Variants in DDHD2 observed in about 807,000 individuals in gnomAD.
DDHD2 encodes the protein DDHD domain containing 2.
DDHD2 carries 62 observed loss-of-function variants against 91.2 expected under a neutral mutation model. The observed-to-expected ratio is 0.68, with a 90% confidence interval of 0.55 to 0.84. The LOEUF (loss-of-function observed/expected upper bound fraction) is 0.84, where lower values mean the gene tolerates loss of function less well. DDHD2 is among the 40% of genes least tolerant of loss of function. The probability of loss-of-function intolerance (pLI) is 0.00; values close to 1 mark genes in which losing one functional copy is unlikely to be tolerated. For synonymous variants in DDHD2, 271 were observed against 293.9 expected, an observed-to-expected ratio of 0.92 and a Z score of 0.80; for missense variants, 740 against 846.9, an observed-to-expected ratio of 0.87 and a Z score of 1.57.
chr8:38,246,076 T>G, intron 8 of DDHD2, 126 bp downstream of exon 8: 1 of 1,089,810 alleles, frequency 9.2e-7, no homozygotes, highest in Non-Finnish European at 1.4e-6. Flanking sequence ...GTCAGGAAAT[T>G]TGGAAGGGGT....
chr8:38,258,255 C>CT (rs111961835), intron 16 of DDHD2, among the ~76,000 whole-genome samples: 2,325 of 142,310 alleles, frequency 0.016, 52 homozygotes, highest in African/African-American at 0.052. Context: ...TAATTAAATT[C>CT]TTTTTTTTTT....
At chr8:38,265,235 CA>C (rs1807405588), downstream of DDHD2, among the ~76,000 whole-genome samples, 1 of 139,164 alleles carries the variant, frequency 7.2e-6, no homozygotes, top group African/African-American at 2.7e-5. Flanking sequence ...CACTGCACTC[CA>C]GCCTGGGCGC....
intron 1 of DDHD2, among the ~76,000 whole-genome samples, chr8:38,269,461 G>C (rs1808348354): frequency 6.6e-6 from 1 of 152,114 alleles, no homozygotes; most frequent in Non-Finnish European, 1.5e-5. Flanking sequence ...TCAGCAGCTC[G>C]TCTCCACGGC....
At chr8:38,249,867 C>A in intron 11 of DDHD2, 64 bp downstream of exon 11, 4 of 1,149,062 alleles carry the variant, frequency 3.5e-6, no homozygotes, top group Non-Finnish European at 5.0e-6. Context: ...TGTCCTTGTG[C>A]TTTGTGGGAT....
intron 3 of DDHD2, among the ~76,000 whole-genome samples, chr8:38,235,114 C>T (rs1486695226): frequency 6.6e-6 from 1 of 152,120 alleles, no homozygotes; most frequent in Non-Finnish European, 1.5e-5. Flanking sequence ...ACTGTTCATT[C>T]ATGTGTTTCA....
At chr8:38,263,402 C>G (rs1293849542), downstream of DDHD2, 1 of 985,244 alleles carries the variant, frequency 1.0e-6, no homozygotes, top group Non-Finnish European at 1.2e-6. Flanking sequence ...TGCATTTGAG[C>G]AGATCTTCAG....
chr8:38,260,246 T>TG, intron 17 of DDHD2, 99 bp downstream of exon 17: 1 of 614,790 alleles, frequency 1.6e-6, no homozygotes, highest in Admixed American at 2.8e-5. Context: ...TACTAGCTGT[T>TG]GCCTGTCACC....
Position 38,260,023 on chromosome 8 carries a change from A to AT in DDHD2, c.2055-11dup. The stretch of plus-strand genomic sequence containing the variant: ...AGTGTTAGTTCCTTTTCTCAACATA[A>AT]TTTTTTCTCTTTATAGGGAGTCTGA... On this transcript the variant is annotated splice_polypyrimidine_tract_variant and intron_variant, in intron 16 of 17. Transcript: ENST00000397166. 6.4e-7 allele frequency: 1 copy of AT among 1,561,476 alleles called. No homozygotes were observed. Among genetic ancestry groups the AT allele is most frequent in the Non-Finnish European group, 8.8e-7 (1 of 1,133,510 alleles).
At position 38,252,963 on chromosome 8, in the gene DDHD2, G is replaced by C. The variant is rs759820228; in HGVS notation, c.1727G>C (p.Arg576Thr). 1.9e-6 allele frequency: 3 copies of C among 1,613,788 alleles called. No individual in the cohort carries two copies. Among genetic ancestry groups the C allele is most frequent in the Admixed American group, 3.3e-5 (2 of 59,946 alleles). Residue 576 changes from arginine (R) to threonine (T), a missense_variant, in exon 15 of 18, where the codon AGA (arginine) becomes ACA (threonine). By Grantham distance (71) the Arg-to-Thr change is moderately conservative. Transcript: ENST00000397166. ...CTTTATTTATATGTTTCAGAACTGA[G>C]AGAGGGCTTGACCAGGATGAGTATG... ...KGRKRMHLEL[R>T]EGLTRMSMDL...
chr8:38,266,749 G>A (rs1300745204), downstream of DDHD2, among the ~76,000 whole-genome samples: 1 of 152,146 alleles, frequency 6.6e-6, no homozygotes, highest in Non-Finnish European at 1.5e-5. Flanking sequence ...GTAAGTCATT[G>A]TGAAGGAAAG....
chr8:38,243,865 C>T (rs1487978654), intron 7 of DDHD2, among the ~76,000 whole-genome samples: 4 of 148,948 alleles, frequency 2.7e-5, no homozygotes, highest in Non-Finnish European at 4.4e-5. Flanking sequence ...AGTGCAGTGG[C>T]GTGATCTCAG....
At chr8:38,258,418 A>G (rs909990353) in intron 16 of DDHD2, among the ~76,000 whole-genome samples, 3 of 151,532 alleles carry the variant, frequency 2.0e-5, no homozygotes, top group East Asian at 1.9e-4. Context: ...ATGCCCAGCT[A>G]ATTTTTGTAT....
chr8:38,252,641 C>CAAAAA, intron 13 of DDHD2, 81 bp from the exon 14 acceptor site: 1 of 724,054 alleles, frequency 1.4e-6, no homozygotes, highest in Non-Finnish European at 2.0e-6. Flanking sequence ...GACCTCATCT[C>CAAAAA]AAAAAAAAAA....
At chr8:38,238,476 A>G in intron 5 of DDHD2, 2 of 1,147,708 alleles carry the variant, frequency 1.7e-6, no homozygotes, top group Non-Finnish European at 2.2e-6. Context: ...ATTTAGTCCT[A>G]ATTCCAAGAA....
intron 11 of DDHD2, chr8:38,250,105 C>T (rs754491058): frequency 1.2e-4 from 21 of 173,318 alleles, no homozygotes; most frequent in Admixed American, 2.4e-4. Context: ...TTAATAGAGA[C>T]GGTGTTTCAC....
chr8:38,259,253 C>T (rs1197585222), intron 16 of DDHD2, among the ~76,000 whole-genome samples: 1 of 149,686 alleles, frequency 6.7e-6, no homozygotes, highest in Non-Finnish European at 1.5e-5. Flanking sequence ...CTCACTCTGT[C>T]GCCCAGGCTG....
chr8:38,252,633 C>T lies in DDHD2; in HGVS notation c.1618-89C>T, dbSNP rs996060636. 12 of 890,490 alleles carry T rather than the reference C, an allele frequency of 1.3e-5. No homozygotes were observed. The African/African-American group carries it at 2.1e-4, about 15-fold the overall frequency. 55.2% of individuals were successfully genotyped at this position (890,490 alleles called of 1,614,324 possible). On this transcript the variant is annotated intron_variant, in intron 13 of 17. Transcript: ENST00000397166. ...CTCCAGCCTGGGTGACAGAGCGAGA[C>T]CTCATCTCAAAAAAAAAAAAAAAAA...
At position 38,259,037 on chromosome 8, in the gene DDHD2, G is replaced by A. The variant is rs148292997; in HGVS notation, c.2055-1003G>A. Among the ~76,000 whole-genome samples the A allele has an allele frequency of 2.3e-3, 344 of 152,314 alleles. 2 individuals are homozygous for A. The highest frequency in any genetic ancestry group is 6.8e-3 in the Admixed American group (104 of 15,290). ...GAACTGGTGGTGGTTGAGGAACAAA[G>A]GTGGGAGGGAGACTTCGTTACTTTC... On this transcript the variant is annotated intron_variant, in intron 16 of 17. Coordinates refer to ENST00000397166, the MANE Select transcript of DDHD2 (RefSeq NM_015214.3).
downstream of DDHD2, chr8:38,262,892 T>A (rs552826895): frequency 1.5e-4 from 23 of 152,302 alleles, 1 homozygote; most frequent in South Asian, 4.6e-3. Context: ...GGCAAAGAAC[T>A]AATATGTAAG....
Sources: allele counts gnomAD v4.1 joint callset (sites outside exome capture counted in the v4.1 genomes callset), GRCh38; gene constraint gnomAD v4.1.1; transcripts MANE v1.5; gene names NCBI Gene and HGNC (gene_info 2026-07-23, HGNC 2026-07-21).